C12orf42: variants seen among roughly 807,000 people sequenced by gnomAD.
C12orf42 encodes chromosome 12 open reading frame 42, also known as uncharacterized protein C12orf42.
Under a neutral mutation model 21.6 loss-of-function variants are expected in C12orf42, and 25 were observed. That is an observed-to-expected ratio of 1.16 (90% CI 0.84 to 1.62). C12orf42 has a LOEUF of 1.62. C12orf42 is among the 40% of genes most tolerant of loss of function. C12orf42 has a pLI of 0.00. For missense variants in C12orf42, 483 were observed against 459.3 expected (o/e 1.05, Z -0.47); for synonymous variants, 174 against 175.0 (o/e 0.99, Z 0.05).
chr12:103,070,515 T>TACAC, the C12orf42 span, among the ~76,000 whole-genome samples: 67 of 120,146 alleles, frequency 5.6e-4, no homozygotes, highest in Non-Finnish European at 7.5e-4. Context: ...TACATACACA[T>TACAC]ACACACACAC....
chr12:103,294,624 GAAAGAA>G (rs1555246097), intron 4 of C12orf42, among the ~76,000 whole-genome samples: 1 of 139,826 alleles, frequency 7.2e-6, no homozygotes, highest in Non-Finnish European at 1.5e-5. Context: ...AAGAAAGAAA[GAAAGAA>G]AGAAAGAAGG....
the C12orf42 span, among the ~76,000 whole-genome samples, chr12:103,099,221 G>A: frequency 6.6e-6 from 1 of 152,146 alleles, no homozygotes; most frequent in Non-Finnish European, 1.5e-5. Context: ...ATCATATTTT[G>A]TTGGACTCCT....
At chr12:103,299,298 T>C (rs78548361), downstream of C12orf42, among the ~76,000 whole-genome samples, 7,325 of 151,906 alleles carry the variant, frequency 0.048, 547 homozygotes, top group African/African-American at 0.16. Flanking sequence ...TGAATTAATA[T>C]ACGTTAAACA....
chr12:103,503,839 CA>C, the C12orf42 span: 1 of 153,370 alleles, frequency 6.5e-6, no homozygotes. Flanking sequence ...GCCCCACCAT[CA>C]AAGGATATGG....
At chr12:103,372,481 T>C (rs1051709982) in intron 3 of C12orf42, among the ~76,000 whole-genome samples, 6 of 152,134 alleles carry the variant, frequency 3.9e-5, no homozygotes, top group Admixed American at 1.3e-4. Flanking sequence ...TTTCTCCAAG[T>C]GTGGCTCAGG....
At chr12:103,401,493 T>C in intron 3 of C12orf42, 114 bp downstream of exon 3, 1 of 815,874 alleles carries the variant, frequency 1.2e-6, no homozygotes, top group Non-Finnish European at 2.0e-6. Flanking sequence ...AAAAATCCTT[T>C]ACTAGCTATA....
chr12:103,096,414 A>C, the C12orf42 span, among the ~76,000 whole-genome samples: 2 of 152,242 alleles, frequency 1.3e-5, no homozygotes, highest in African/African-American at 4.8e-5. Flanking sequence ...CTTAATAAAC[A>C]GAACTTTTAG....
chr12:103,429,202 T>C (rs1402167374), intron 2 of C12orf42, among the ~76,000 whole-genome samples: 1 of 152,210 alleles, frequency 6.6e-6, no homozygotes, highest in Non-Finnish European at 1.5e-5. Context: ...GATGACATGA[T>C]TGTATGTTTA....
chr12:103,314,223 GCAGGAGAGGTGTTGGGAGGA>G (rs998374137), intron 4 of C12orf42, among the ~76,000 whole-genome samples: 3 of 150,934 alleles, frequency 2.0e-5, no homozygotes, highest in Middle Eastern at 3.2e-3. Context: ...TGTTGGGAGG[GCAGGAGAGGTGTTGGGAGGA>G]CAGGAGAGGT....
chr12:103,361,604 G>A (rs1165258801), intron 4 of C12orf42, among the ~76,000 whole-genome samples: 1 of 149,262 alleles, frequency 6.7e-6, no homozygotes, highest in African/African-American at 2.5e-5. Context: ...TCAGTTGAGA[G>A]GCTGCTAGTC....
chr12:103,391,183 C>G (rs1295472930), intron 3 of C12orf42, among the ~76,000 whole-genome samples: 1 of 151,832 alleles, frequency 6.6e-6, no homozygotes. Flanking sequence ...ATATATTTAT[C>G]CATTCACCTA....
chr12:103,418,868 C>T (rs1294075633), intron 2 of C12orf42, among the ~76,000 whole-genome samples: 5 of 146,838 alleles, frequency 3.4e-5, no homozygotes, highest in South Asian at 2.2e-4. Flanking sequence ...TTACACAGTT[C>T]GCTTATCTTA....
At chr12:103,516,949 A>G in the C12orf42 span, among the ~76,000 whole-genome samples, 8 of 152,224 alleles carry the variant, frequency 5.3e-5, no homozygotes, top group Non-Finnish European at 1.2e-4. Context: ...AAAATCCTGG[A>G]AAGAAACCAC....
At chr12:103,189,975 A>G in the C12orf42 span, among the ~76,000 whole-genome samples, 25 of 151,938 alleles carry the variant, frequency 1.6e-4, no homozygotes, top group Admixed American at 1.2e-3. Flanking sequence ...ACATGTGTAT[A>G]TATATATATA....
At chr12:103,447,091 A>C (rs1482495607) in intron 2 of C12orf42, among the ~76,000 whole-genome samples, 1 of 152,040 alleles carries the variant, frequency 6.6e-6, no homozygotes, top group African/African-American at 2.4e-5. Flanking sequence ...AACATTCTCC[A>C]AGATAGACCA....
chr12:103,511,445 C>T, the C12orf42 span, among the ~76,000 whole-genome samples: 1 of 151,344 alleles, frequency 6.6e-6, no homozygotes, highest in African/African-American at 2.4e-5. Flanking sequence ...CATATGTATA[C>T]CATGTGTCTA....
chr12:103,348,358 G>A (rs1322753355), intron 4 of C12orf42, among the ~76,000 whole-genome samples: 2 of 152,178 alleles, frequency 1.3e-5, no homozygotes, highest in African/African-American at 4.8e-5. Context: ...TATTGTGGGA[G>A]AAGAACACTA....
the C12orf42 span, among the ~76,000 whole-genome samples, chr12:103,082,770 G>C: frequency 6.6e-6 from 1 of 152,184 alleles, no homozygotes; most frequent in Non-Finnish European, 1.5e-5. Context: ...ATTAGAAAAT[G>C]ATCAAAGAAG....
chr12:103,399,905 T>G (rs1421497881), intron 3 of C12orf42, among the ~76,000 whole-genome samples: 1 of 152,112 alleles, frequency 6.6e-6, no homozygotes, highest in Non-Finnish European at 1.5e-5. Context: ...TTATATATGA[T>G]ATATGTTTCA....
Sources: allele counts gnomAD v4.1 joint callset (sites outside exome capture counted in the v4.1 genomes callset), GRCh38; gene constraint gnomAD v4.1.1; transcripts MANE v1.5; gene names NCBI Gene and HGNC (gene_info 2026-07-23, HGNC 2026-07-21).